KCND2: variants seen among roughly 807,000 people sequenced by gnomAD.
The protein encoded by KCND2 is potassium voltage-gated channel subfamily D member 2, also known as A-type voltage-gated potassium channel KCND2.
A neutral mutation model predicts 54.4 loss-of-function variants in KCND2; 16 were observed. The observed-to-expected ratio is 0.29, with a 90% CI of 0.20 to 0.45. The LOEUF (loss-of-function observed/expected upper bound fraction) is 0.45, where lower values mean the gene tolerates loss of function less well. Ranked by LOEUF, KCND2 falls within the 20% of genes least tolerant of loss-of-function variation. The pLI is 1.00. For synonymous variants in KCND2, 317 were observed against 310.7 expected (o/e 1.02, Z -0.21); for missense variants, 486 against 824.2 (o/e 0.59, Z 5.02).
chr7:120,458,893 A>G (rs1802240413), intron 1 of KCND2, among the ~76,000 whole-genome samples: 1 of 150,658 alleles, frequency 6.6e-6, no homozygotes. Context: ...AGACAGTAGG[A>G]GACCAGGTAG....
chr7:120,541,967 C>T (rs1179993644), intron 1 of KCND2, among the ~76,000 whole-genome samples: 1 of 152,090 alleles, frequency 6.6e-6, no homozygotes, highest in Non-Finnish European at 1.5e-5. Context: ...ACATTAAACA[C>T]ATAAACCATT....
At chr7:120,428,620 T>C (rs1801747997) in intron 1 of KCND2, among the ~76,000 whole-genome samples, 1 of 152,200 alleles carries the variant, frequency 6.6e-6, no homozygotes, top group Non-Finnish European at 1.5e-5. Context: ...CTTTAACTTA[T>C]GATAAGGCAC....
At position 120,461,883 on chromosome 7, in the gene KCND2, G is replaced by T. The variant is rs141840277; in HGVS notation, c.1115+186136G>T. Among the ~76,000 whole-genome samples the T allele has an allele frequency of 4.7e-3, 719 of 152,016 alleles. 7 individuals are homozygous for T. Among genetic ancestry groups the T allele is most frequent in the African/African-American group, 0.016 (677 of 41,474 alleles). Reference sequence around the variant, plus strand: ...CAGTGTGTATGCTTAGTAAATGCAAGAAATTTTAAAATATACTCAAGAAAG... The same window carrying T: ...CAGTGTGTATGCTTAGTAAATGCAATAAATTTTAAAATATACTCAAGAAAG... On this transcript the variant is annotated intron_variant, in intron 1 of 5. Coordinates refer to ENST00000331113, the MANE Select transcript of KCND2 (RefSeq NM_012281.3).
At chr7:120,647,590 A>G (rs936154658) in intron 1 of KCND2, among the ~76,000 whole-genome samples, 1 of 152,198 alleles carries the variant, frequency 6.6e-6, no homozygotes, top group Non-Finnish European at 1.5e-5. Context: ...ATACAGCAAG[A>G]GTTTATTGAC....
chr7:120,485,043 C>T (rs1584797523), intron 1 of KCND2, among the ~76,000 whole-genome samples: 1 of 151,944 alleles, frequency 6.6e-6, no homozygotes, highest in African/African-American at 2.4e-5. Flanking sequence ...GGTGCCATCA[C>T]TCCCAGCTAA....
chr7:120,652,778 C>T (rs1791754204), intron 1 of KCND2, among the ~76,000 whole-genome samples: 1 of 152,120 alleles, frequency 6.6e-6, no homozygotes, highest in Admixed American at 6.5e-5. Context: ...CTAATTTTAG[C>T]TCTTTCTGCT....
chr7:120,702,409 C>T (rs925394129), intron 1 of KCND2, among the ~76,000 whole-genome samples: 18 of 152,128 alleles, frequency 1.2e-4, no homozygotes, highest in African/African-American at 4.1e-4. Flanking sequence ...AAAAACGGAA[C>T]TACCAGTCAA....
intron 1 of KCND2, among the ~76,000 whole-genome samples, chr7:120,658,038 T>A (rs1216938709): frequency 6.6e-6 from 1 of 152,206 alleles, no homozygotes; most frequent in Admixed American, 6.5e-5. Flanking sequence ...GAGAAGCTAA[T>A]AAATTTAGCT....
At chr7:120,742,775 G>A (rs1243430680) in intron 4 of KCND2, among the ~76,000 whole-genome samples, 173 bp downstream of exon 4, 1 of 152,178 alleles carries the variant, frequency 6.6e-6, no homozygotes, top group East Asian at 1.9e-4. Flanking sequence ...AAGATGTAAT[G>A]ACATTTCAAT....
At chr7:120,499,737 C>A (rs940313182) in intron 1 of KCND2, among the ~76,000 whole-genome samples, 3 of 152,256 alleles carry the variant, frequency 2.0e-5, no homozygotes, top group East Asian at 1.9e-4. Context: ...TTTATGCTGT[C>A]CCCACCTAGA....
chr7:120,557,878 A>G (rs1792183975), intron 1 of KCND2, among the ~76,000 whole-genome samples: 1 of 152,152 alleles, frequency 6.6e-6, no homozygotes. Flanking sequence ...GAGACCTCTA[A>G]GAAGTAATGA....
chr7:120,344,565 T>C (rs1800286887), intron 1 of KCND2, among the ~76,000 whole-genome samples: 1 of 152,172 alleles, frequency 6.6e-6, no homozygotes, highest in Non-Finnish European at 1.5e-5. Flanking sequence ...GATGGGGTAA[T>C]GGTGCAATAG....
At chr7:120,331,533 T>C (rs1223932003) in intron 1 of KCND2, among the ~76,000 whole-genome samples, 1 of 152,004 alleles carries the variant, frequency 6.6e-6, no homozygotes, top group East Asian at 1.9e-4. Flanking sequence ...AAAGAACTTG[T>C]GCATGCATTA....
At chr7:120,609,751 C>G (rs1341272922) in intron 1 of KCND2, among the ~76,000 whole-genome samples, 7 of 152,046 alleles carry the variant, frequency 4.6e-5, no homozygotes, top group Admixed American at 3.3e-4. Context: ...ATTTTCAAAA[C>G]GAAAATACAG....
chr7:120,367,532 G>A (rs766954014), intron 1 of KCND2, among the ~76,000 whole-genome samples: 45 of 150,942 alleles, frequency 3.0e-4, no homozygotes, highest in Non-Finnish European at 5.8e-4. Flanking sequence ...AGGAGGGAGT[G>A]CCTCTATGGG....
chr7:120,397,554 A>C (rs1801172015), intron 1 of KCND2, among the ~76,000 whole-genome samples: 1 of 152,022 alleles, frequency 6.6e-6, no homozygotes, highest in South Asian at 2.1e-4. Context: ...GTTTAATAAT[A>C]TTCTTCAATT....
intron 1 of KCND2, among the ~76,000 whole-genome samples, chr7:120,567,516 A>G (rs773472296): frequency 1.3e-5 from 2 of 152,182 alleles, no homozygotes; most frequent in Non-Finnish European, 2.9e-5. Flanking sequence ...TCAAAGGGCA[A>G]TGTGGTAAAG....
intron 1 of KCND2, among the ~76,000 whole-genome samples, chr7:120,491,957 T>C (rs1264220769): frequency 3.9e-5 from 6 of 152,138 alleles, no homozygotes; most frequent in Non-Finnish European, 8.8e-5. Context: ...TTAAATCTAA[T>C]CAAACTTTTA....
chr7:120,573,376 T>A (rs559712603), intron 1 of KCND2, among the ~76,000 whole-genome samples: 1 of 152,204 alleles, frequency 6.6e-6, no homozygotes. Flanking sequence ...ACTAAAATGT[T>A]GAAAGTCTCT....
Sources: gnomAD v4.1 joint callset for allele counts (sites outside exome capture counted in the v4.1 genomes callset) on GRCh38, gnomAD v4.1.1 for gene constraint, MANE v1.5 for transcripts, NCBI Gene and HGNC (gene_info 2026-07-23, HGNC 2026-07-21) for gene names.